The following CTNNA3 variants were observed in gnomAD, a reference collection of about 807,000 sequenced individuals.
CTNNA3 encodes catenin alpha-3.
A neutral mutation model predicts 95.7 loss-of-function variants in CTNNA3; 76 were observed. The observed-to-expected ratio is 0.79, with a 90% CI of 0.66 to 0.96. The LOEUF is 0.96. CTNNA3 is among the 40% of genes least tolerant of loss of function. CTNNA3 has a pLI of 0.00. For synonymous variants in CTNNA3, 431 were observed against 374.4 expected (o/e 1.15, Z -1.74); for missense variants, 1,191 against 1,089.8 (o/e 1.09, Z -1.31).
chr10:66,512,748 T>C (rs552290319), intron 11 of CTNNA3, among the ~76,000 whole-genome samples: 10 of 152,256 alleles, frequency 6.6e-5, no homozygotes, highest in African/African-American at 2.4e-4. Flanking sequence ...TCTCCTTCAT[T>C]TCTAAAGAAT....
chr10:67,648,682 T>C (rs1430868002), intron 1 of CTNNA3: 5 of 1,141,378 alleles, frequency 4.4e-6, no homozygotes, highest in Non-Finnish European at 4.6e-6. Flanking sequence ...ATTACTGTTA[T>C]TGGCATATGA....
At chr10:66,718,611 G>A (rs1848529026) in intron 9 of CTNNA3, among the ~76,000 whole-genome samples, 1 of 148,428 alleles carries the variant, frequency 6.7e-6, no homozygotes, top group Admixed American at 6.7e-5. Context: ...TAATAAAACT[G>A]TAATATTATA....
At chr10:67,340,747 T>G (rs760504037) in intron 5 of CTNNA3, among the ~76,000 whole-genome samples, 9 of 152,258 alleles carry the variant, frequency 5.9e-5, no homozygotes, top group Non-Finnish European at 8.8e-5. Context: ...CAATTTTACA[T>G]AAGATGTGGC....
At position 66,756,640 on chromosome 10, in the gene CTNNA3, G is replaced by A. The variant is rs115230299; in HGVS notation, c.1281+9624C>T. On this transcript the variant is annotated intron_variant, in intron 9 of 17. Coordinates refer to ENST00000433211, the MANE Select transcript of CTNNA3 (RefSeq NM_013266.4). ...CCTAACATTGCTTGCAAGCAGCAGAGGAGATAAGGGGAAACAGCTGATCTC... is the reference window on the plus strand; with the variant it reads ...CCTAACATTGCTTGCAAGCAGCAGAAGAGATAAGGGGAAACAGCTGATCTC... Among the ~76,000 whole-genome samples, 247 of 152,034 alleles carry A rather than the reference G, an allele frequency of 1.6e-3. 1 individual carries two copies. The highest frequency in any genetic ancestry group is 5.6e-3 in the African/African-American group (233 of 41,498).
At chr10:66,895,719 G>A (rs1845453667) in intron 7 of CTNNA3, among the ~76,000 whole-genome samples, 1 of 151,970 alleles carries the variant, frequency 6.6e-6, no homozygotes, top group South Asian at 2.1e-4. Context: ...TTATAAAGAA[G>A]CCAGGAGGAT....
At chr10:66,446,545 A>G (rs961468533) in intron 11 of CTNNA3, among the ~76,000 whole-genome samples, 2 of 151,576 alleles carry the variant, frequency 1.3e-5, no homozygotes, top group Non-Finnish European at 2.9e-5. Context: ...AATGTAATCC[A>G]GCATATAAAC....
chr10:66,233,563 G>A (rs1384201108), intron 13 of CTNNA3, among the ~76,000 whole-genome samples: 2 of 152,012 alleles, frequency 1.3e-5, no homozygotes, highest in African/African-American at 4.8e-5. Flanking sequence ...CACATAAAAT[G>A]GTTCTCAACT....
intron 7 of CTNNA3, among the ~76,000 whole-genome samples, chr10:66,920,339 A>G (rs1846724653): frequency 6.6e-6 from 1 of 152,234 alleles, no homozygotes. Context: ...TTTGCACAGA[A>G]TCAGTTCCAA....
intron 14 of CTNNA3, among the ~76,000 whole-genome samples, chr10:66,100,214 T>A (rs2081563592): frequency 6.6e-6 from 1 of 152,094 alleles, no homozygotes; most frequent in Admixed American, 6.6e-5. Context: ...GGGGACCCTT[T>A]CAGGTTCTGT....
intron 9 of CTNNA3, among the ~76,000 whole-genome samples, chr10:66,622,707 T>G (rs1245774248): frequency 6.6e-6 from 1 of 152,144 alleles, no homozygotes; most frequent in Non-Finnish European, 1.5e-5. Context: ...GTCAGTTGTT[T>G]TATACTTTAA....
chr10:66,648,105 C>G (rs192293182), intron 9 of CTNNA3, among the ~76,000 whole-genome samples: 2 of 152,050 alleles, frequency 1.3e-5, no homozygotes, highest in Admixed American at 1.3e-4. Flanking sequence ...TCCCATTGGC[C>G]CTGCTTTTAT....
At chr10:66,217,020 T>C (rs35044876) in intron 13 of CTNNA3, among the ~76,000 whole-genome samples, 17,593 of 152,180 alleles carry the variant, frequency 0.12, 1,043 homozygotes, top group East Asian at 0.14. Flanking sequence ...AACCACTTAC[T>C]TGTTCTCTAT....
intron 13 of CTNNA3, among the ~76,000 whole-genome samples, chr10:66,219,214 TG>T (rs1387133149): frequency 1.3e-5 from 2 of 151,736 alleles, no homozygotes; most frequent in African/African-American, 4.8e-5. Flanking sequence ...TGAGGCTTTG[TG>T]GGGTATCGGG....
chr10:66,341,020 A>G lies in CTNNA3; in HGVS notation c.1732+38132T>C, dbSNP rs186477052. On this transcript the variant is annotated intron_variant, in intron 12 of 17. Coordinates refer to ENST00000433211, the MANE Select transcript of CTNNA3 (RefSeq NM_013266.4). ...CTGTCTAACATTGAAACAGACTCCAAATGTCTTTATAATGGGCAAGTGGAT... is the reference window on the plus strand; with the variant it reads ...CTGTCTAACATTGAAACAGACTCCAGATGTCTTTATAATGGGCAAGTGGAT... 7.8e-4 allele frequency among the ~76,000 whole-genome samples: 119 copies of G among 151,978 alleles called. 2 individuals carry two copies. The highest frequency in any genetic ancestry group is 3.4e-3 in the Middle Eastern group (1 of 294).
intron 11 of CTNNA3, among the ~76,000 whole-genome samples, chr10:66,479,285 C>T (rs1305802813): frequency 6.9e-6 from 1 of 144,312 alleles, no homozygotes; most frequent in African/African-American, 2.6e-5. Context: ...ATGCCAGTAC[C>T]ACACTTCCTT....
intron 11 of CTNNA3, among the ~76,000 whole-genome samples, chr10:66,402,219 GACTGT>G (rs1181650327): frequency 1.3e-5 from 2 of 152,102 alleles, no homozygotes; most frequent in African/African-American, 4.8e-5. Context: ...ATATTAAAGA[GACTGT>G]ACTGAATTAA....
At chr10:67,257,301 T>A (rs1422876608) in intron 5 of CTNNA3, among the ~76,000 whole-genome samples, 3 of 152,188 alleles carry the variant, frequency 2.0e-5, no homozygotes, top group African/African-American at 7.2e-5. Flanking sequence ...ACTCAAAAAG[T>A]AATCTGGAGA....
chr10:67,367,362 A>T (rs182415333), intron 5 of CTNNA3, among the ~76,000 whole-genome samples: 1 of 152,248 alleles, frequency 6.6e-6, no homozygotes, highest in African/African-American at 2.4e-5. Context: ...CAAAACTATG[A>T]GATCCCATCT....
intron 9 of CTNNA3, among the ~76,000 whole-genome samples, chr10:66,762,432 C>T (rs1839638375): frequency 6.6e-6 from 1 of 152,012 alleles, no homozygotes; most frequent in African/African-American, 2.4e-5. Flanking sequence ...CTCAGCATAA[C>T]TAAGATAAAA....
Sources: allele counts gnomAD v4.1 joint callset (sites outside exome capture counted in the v4.1 genomes callset), GRCh38; gene constraint gnomAD v4.1.1; transcripts MANE v1.5; gene names NCBI Gene and HGNC (gene_info 2026-07-23, HGNC 2026-07-21).